Variants in SEMA3D observed in about 807,000 individuals in gnomAD.
The protein encoded by SEMA3D is semaphorin-3D.
In SEMA3D, 84 loss-of-function variants were observed where a neutral mutation model predicts 100.1. The ratio of observed to expected loss-of-function variants is 0.84; its 90% CI spans 0.70 to 1.01. The LOEUF is 1.01. SEMA3D is among the 50% of genes least tolerant of loss of function. SEMA3D has a pLI of 0.00. For synonymous variants in SEMA3D, 312 were observed against 320.7 expected, an observed-to-expected ratio of 0.97 and a Z score of 0.29; for missense variants, 875 against 934.1, an observed-to-expected ratio of 0.94 and a Z score of 0.82.
intron 1 of SEMA3D, among the ~76,000 whole-genome samples, chr7:85,158,701 CT>C (rs1372658111): frequency 6.6e-6 from 1 of 152,094 alleles, no homozygotes; most frequent in Non-Finnish European, 1.5e-5. Flanking sequence ...CTAATAAAAA[CT>C]TGCTGGTTTT....
chr7:85,029,020 C>T (rs1318979694), intron 12 of SEMA3D: 1 of 421,472 alleles, frequency 2.4e-6, no homozygotes, highest in Admixed American at 3.0e-5. Context: ...TGTCACTCCT[C>T]TTTCCCTTGA....
At chr7:85,083,815 C>T (rs1412785621) in intron 4 of SEMA3D, among the ~76,000 whole-genome samples, 9 of 140,248 alleles carry the variant, frequency 6.4e-5, no homozygotes, top group Non-Finnish European at 3.1e-5. Flanking sequence ...CCACTGCACT[C>T]CAGCCTGGGC....
At chr7:85,151,789 A>T in intron 2 of SEMA3D, 1 of 815,362 alleles carries the variant, frequency 1.2e-6, no homozygotes, top group South Asian at 5.6e-5. Context: ...TATTAGAAGA[A>T]AATTTTAAAT....
At position 85,082,081 on chromosome 7, in the gene SEMA3D, G is replaced by T. The variant is rs566833368; in HGVS notation, c.313-502C>A. Among the ~76,000 whole-genome samples, 63 of 152,286 alleles carry T rather than the reference G, an allele frequency of 4.1e-4. 1 individual carries two copies. In the South Asian group the frequency reaches 0.013, roughly 31 times the overall value. On this transcript the variant is annotated intron_variant, in intron 4 of 18. Transcript: ENST00000284136. ...GGAGCTCAGATGCATCTGCCACTTAGCTAAATGTTTTATAAGCATTCTCTT... is the reference window on the plus strand; with the variant it reads ...GGAGCTCAGATGCATCTGCCACTTATCTAAATGTTTTATAAGCATTCTCTT...
intron 6 of SEMA3D, among the ~76,000 whole-genome samples, chr7:85,071,546 G>A (rs1342961709): frequency 6.6e-6 from 1 of 152,162 alleles, no homozygotes; most frequent in African/African-American, 2.4e-5. Flanking sequence ...TAAAGACAGG[G>A]TATGTTCTGA....
intron 3 of SEMA3D, among the ~76,000 whole-genome samples, chr7:85,105,503 T>G (rs1788891224): frequency 6.6e-6 from 1 of 152,082 alleles, no homozygotes; most frequent in Non-Finnish European, 1.5e-5. Context: ...TTCTCCACTG[T>G]GTACATTTAG....
the SEMA3D span, among the ~76,000 whole-genome samples, chr7:85,200,622 TAGAAA>T: frequency 6.6e-6 from 1 of 152,166 alleles, no homozygotes; most frequent in Non-Finnish European, 1.5e-5. Flanking sequence ...GACAATGCAA[TAGAAA>T]AGAAAATCCA....
chr7:85,170,189 A>G (rs1791048053), intron 1 of SEMA3D, among the ~76,000 whole-genome samples: 2 of 151,884 alleles, frequency 1.3e-5, no homozygotes, highest in South Asian at 4.1e-4. Context: ...CACAAAATAA[A>G]TATTAGTAAG....
At chr7:85,028,644 C>T (rs1790459378) in intron 12 of SEMA3D, 1 of 205,870 alleles carries the variant, frequency 4.9e-6, no homozygotes, top group East Asian at 1.6e-4. Flanking sequence ...ACTTGCTAAA[C>T]ATACTCTTCC....
chr7:85,163,486 A>G (rs1458383874), intron 1 of SEMA3D, among the ~76,000 whole-genome samples: 1 of 152,154 alleles, frequency 6.6e-6, no homozygotes, highest in Non-Finnish European at 1.5e-5. Context: ...AAAAATGATC[A>G]GCATGATGGA....
the SEMA3D span, among the ~76,000 whole-genome samples, chr7:85,224,080 C>G: frequency 1.3e-5 from 2 of 151,972 alleles, no homozygotes; most frequent in Non-Finnish European, 2.9e-5. Flanking sequence ...ATTTAAGGGT[C>G]AACAGTTTAT....
chr7:85,225,075 TATATATATATA>T, the SEMA3D span, among the ~76,000 whole-genome samples: 1 of 13,784 alleles, frequency 7.3e-5, no homozygotes, highest in Admixed American at 5.9e-4. Context: ...TATATATATA[TATATATATATA>T]TATATATATA....
chr7:85,129,331 CT>C (rs1789659263), intron 2 of SEMA3D, among the ~76,000 whole-genome samples: 1 of 151,906 alleles, frequency 6.6e-6, no homozygotes, highest in Admixed American at 6.6e-5. Context: ...AACAGAATTT[CT>C]TTTTATTTAT....
At position 85,074,634 on chromosome 7, in the gene SEMA3D, TA is replaced by T. The variant is rs1365882199; in HGVS notation, c.376-1554del. Among the ~76,000 whole-genome samples, 141 of 148,778 alleles carry T rather than the reference TA, an allele frequency of 9.5e-4. 1 individual carries two copies. Among genetic ancestry groups the T allele is most frequent in the African/African-American group, 3.1e-3 (121 of 39,250 alleles). On this transcript the variant is annotated intron_variant, in intron 5 of 18. Coordinates refer to ENST00000284136, the MANE Select transcript of SEMA3D (RefSeq NM_001384900.1). Reference sequence around the variant, plus strand: ...ATGTTTCAACTGGCATATATATATATATATTTTTTTTTTTTCTTTGAGACAG... The same window carrying T: ...ATGTTTCAACTGGCATATATATATATTATTTTTTTTTTTTCTTTGAGACAG...
At chr7:85,190,749 A>G (rs1303730275), upstream of SEMA3D, among the ~76,000 whole-genome samples, 1 of 152,146 alleles carries the variant, frequency 6.6e-6, no homozygotes, top group Non-Finnish European at 1.5e-5. Context: ...TAAAGACAGA[A>G]AACAGTTTAT....
intron 1 of SEMA3D, among the ~76,000 whole-genome samples, chr7:85,158,010 C>T (rs1364513277): frequency 2.6e-5 from 4 of 152,146 alleles, no homozygotes; most frequent in African/African-American, 7.2e-5. Context: ...TTTCCTATGC[C>T]TATCTTTACT....
intron 2 of SEMA3D, among the ~76,000 whole-genome samples, chr7:85,153,295 A>G (rs147404316): frequency 6.6e-6 from 1 of 152,314 alleles, no homozygotes; most frequent in Non-Finnish European, 1.5e-5. Flanking sequence ...AATTACAATT[A>G]CTTTACGCTA....
intron 16 of SEMA3D, among the ~76,000 whole-genome samples, chr7:85,013,388 T>C (rs557811381): frequency 6.6e-6 from 1 of 151,936 alleles, no homozygotes; most frequent in African/African-American, 2.4e-5. Context: ...CTACCTGTTA[T>C]TTCTATCTGC....
At chr7:85,098,203 G>T (rs1181011027) in intron 3 of SEMA3D, among the ~76,000 whole-genome samples, 2 of 151,426 alleles carry the variant, frequency 1.3e-5, no homozygotes, top group African/African-American at 4.8e-5. Context: ...GCATAAAAGG[G>T]CCAATATAGC....
Sources: allele counts gnomAD v4.1 joint callset (sites outside exome capture counted in the v4.1 genomes callset), GRCh38; gene constraint gnomAD v4.1.1; transcripts MANE v1.5; gene names NCBI Gene and HGNC (gene_info 2026-07-23, HGNC 2026-07-21).